HMGB1: variants seen among roughly 807,000 people sequenced by gnomAD.
HMGB1 encodes the protein high mobility group box 1.
For synonymous variants in HMGB1, 81 were observed against 84.0 expected (o/e 0.96, Z 0.19); for missense variants, 79 against 253.5 (o/e 0.31, Z 4.67).
chr13:30,537,951 A>G (rs1020165127), intron 1 of HMGB1, among the ~76,000 whole-genome samples: 1 of 151,930 alleles, frequency 6.6e-6, no homozygotes, highest in Non-Finnish European at 1.5e-5. Context: ...CACAACATCA[A>G]GTTTCCTTTA....
intron 1 of HMGB1, among the ~76,000 whole-genome samples, chr13:30,504,021 C>A (rs1887797375): frequency 5.0e-5 from 2 of 40,048 alleles, no homozygotes; most frequent in South Asian, 0.019. Flanking sequence ...AAAAAATCAC[C>A]ATTTTTTTTT....
At chr13:30,602,580 A>AT (rs1950413672) in intron 1 of HMGB1, among the ~76,000 whole-genome samples, 1 of 152,236 alleles carries the variant, frequency 6.6e-6, no homozygotes, top group African/African-American at 2.4e-5. Context: ...TGAAAAACTG[A>AT]TTTTTATAAT....
chr13:30,583,428 G>A (rs188866564), intron 1 of HMGB1, among the ~76,000 whole-genome samples: 8 of 151,004 alleles, frequency 5.3e-5, no homozygotes, highest in Admixed American at 4.0e-4. Flanking sequence ...CTACTCGGGC[G>A]GCTGAGCTGG....
At chr13:30,567,958 TC>T (rs1870261662) in intron 1 of HMGB1, among the ~76,000 whole-genome samples, 2 of 152,214 alleles carry the variant, frequency 1.3e-5, no homozygotes, top group East Asian at 3.8e-4. Context: ...AGATGAAGAC[TC>T]GTCCATTGGG....
At chr13:30,531,589 G>A (rs555440511) in intron 1 of HMGB1, among the ~76,000 whole-genome samples, 116 of 150,684 alleles carry the variant, frequency 7.7e-4, no homozygotes, top group Non-Finnish European at 1.4e-3. Flanking sequence ...GAATATGAAA[G>A]TCACACATGC....
intron 1 of HMGB1, among the ~76,000 whole-genome samples, chr13:30,564,901 T>C (rs1025659201): frequency 6.6e-6 from 1 of 152,174 alleles, no homozygotes; most frequent in Non-Finnish European, 1.5e-5. Flanking sequence ...GCAAAATGAG[T>C]TGATAATGTG....
Position 30,476,011 on chromosome 13 carries a change from T to A in HMGB1, c.-14-12317A>T, listed in dbSNP as rs139421594. ...TGATTGTAAACTGTAATTCTGAAAT[T>A]TTCTTGATCAGAGATTCTTTTTATA... On this transcript the variant is annotated intron_variant, in intron 1 of 4. Transcript: ENST00000405805. Among the ~76,000 whole-genome samples, 490 of 152,282 alleles carry A rather than the reference T, an allele frequency of 3.2e-3. 1 individual carries two copies. Among genetic ancestry groups the A allele is most frequent in the African/African-American group, 0.011 (470 of 41,566 alleles).
intron 1 of HMGB1, among the ~76,000 whole-genome samples, chr13:30,612,742 TTATCTGCACTTAA>T (rs1382271436): frequency 6.6e-6 from 1 of 152,080 alleles, no homozygotes; most frequent in African/African-American, 2.4e-5. Context: ...GAGTGTTTCT[TTATCTGCACTTAA>T]TTTTTTGATT....
intron 1 of HMGB1, among the ~76,000 whole-genome samples, chr13:30,594,043 A>C (rs1032485374): frequency 1.3e-5 from 2 of 152,250 alleles, no homozygotes; most frequent in Admixed American, 6.5e-5. Context: ...GAATTTAGGC[A>C]CACAGATATG....
At chr13:30,613,158 C>A (rs1343735734) in intron 1 of HMGB1, among the ~76,000 whole-genome samples, 1 of 152,178 alleles carries the variant, frequency 6.6e-6, no homozygotes, top group East Asian at 1.9e-4. Flanking sequence ...CAGGTCCCTG[C>A]AGTCTCTACC....
chr13:30,492,934 T>C (rs1887530865), intron 1 of HMGB1, among the ~76,000 whole-genome samples: 1 of 134,950 alleles, frequency 7.4e-6, no homozygotes, highest in Non-Finnish European at 1.5e-5. Context: ...GAGGTTGCAG[T>C]GAGCCGAGGT....
At chr13:30,492,940 G>A (rs1052987607) in intron 1 of HMGB1, among the ~76,000 whole-genome samples, 9 of 144,022 alleles carry the variant, frequency 6.2e-5, no homozygotes, top group East Asian at 4.2e-4. Context: ...GCAGTGAGCC[G>A]AGGTCTTGCC....
intron 1 of HMGB1, among the ~76,000 whole-genome samples, chr13:30,591,284 G>A (rs547910780): frequency 1.3e-5 from 2 of 151,920 alleles, no homozygotes; most frequent in East Asian, 1.9e-4. Context: ...CACCCGCCTC[G>A]GCCTCCCAAA....
In HMGB1 at chr13:30,487,784, A is replaced by G. The variant is rs192434115; in HGVS notation, c.-14-24090T>C. The stretch of plus-strand genomic sequence containing the variant: ...CTTGCTTAGAAAATAAGACATATGA[A>G]CCCTTAAGAATGGGAAAACACCAGC... On this transcript the variant is annotated intron_variant, in intron 1 of 4. Coordinates refer to the HMGB1 transcript ENST00000405805. 5.3e-5 allele frequency among the ~76,000 whole-genome samples: 8 copies of G among 152,348 alleles called. No homozygotes were observed. The East Asian group carries it at 1.5e-3, about 29-fold the overall frequency.
intron 1 of HMGB1, among the ~76,000 whole-genome samples, chr13:30,549,883 A>AT (rs1869344557): frequency 6.6e-6 from 1 of 151,610 alleles, no homozygotes; most frequent in Non-Finnish European, 1.5e-5. Context: ...CGCCTGGCTA[A>AT]TTTTTGTATT....
intron 1 of HMGB1, among the ~76,000 whole-genome samples, chr13:30,491,584 G>T (rs957837630): frequency 6.6e-6 from 1 of 151,274 alleles, no homozygotes; most frequent in African/African-American, 2.4e-5. Context: ...GATCACCTAA[G>T]CCTGGGAGGC....
chr13:30,503,644 CTTCTTT>C (rs1330951636), intron 1 of HMGB1, among the ~76,000 whole-genome samples: 2 of 114,174 alleles, frequency 1.8e-5, no homozygotes, highest in Non-Finnish European at 3.7e-5. Flanking sequence ...TCCTACTCAG[CTTCTTT>C]TTTTTTTTTT....
At chr13:30,495,410 C>T (rs1173247509) in intron 1 of HMGB1, among the ~76,000 whole-genome samples, 4 of 152,058 alleles carry the variant, frequency 2.6e-5, no homozygotes, top group Non-Finnish European at 5.9e-5. Context: ...ATTTCCTGGT[C>T]ACTCCCTCCC....
At chr13:30,581,402 G>A (rs898959143) in intron 1 of HMGB1, among the ~76,000 whole-genome samples, 11 of 152,160 alleles carry the variant, frequency 7.2e-5, no homozygotes, top group Admixed American at 2.0e-4. Flanking sequence ...AATCCTGCCT[G>A]CTGCTCATTT....
Sources: gnomAD v4.1 joint callset for allele counts (sites outside exome capture counted in the v4.1 genomes callset) on GRCh38, gnomAD v4.1.1 for gene constraint, MANE v1.5 for transcripts, NCBI Gene and HGNC (gene_info 2026-07-23, HGNC 2026-07-21) for gene names.